The following LGR5 variants were observed in gnomAD, a reference collection of about 807,000 sequenced individuals.
The protein encoded by LGR5 is leucine-rich repeat-containing G protein-coupled receptor 5.
Under a neutral mutation model 76.7 loss-of-function variants are expected in LGR5, and 54 were observed. That is an observed-to-expected ratio of 0.70 (90% confidence interval 0.57 to 0.88). LGR5 has a LOEUF of 0.88. LGR5 is among the 40% of genes least tolerant of loss of function. The pLI is 0.00. For synonymous variants in LGR5, 406 were observed against 421.9 expected, an observed-to-expected ratio of 0.96 and a Z score of 0.46; for missense variants, 1,078 against 1,073.3, an observed-to-expected ratio of 1.00 and a Z score of -0.06.
At position 71,571,360 on chromosome 12, in the gene LGR5, TG is replaced by T. The variant is rs1401268242; in HGVS notation, c.1071-152del. 6 of 521,448 alleles carry T rather than the reference TG, an allele frequency of 1.2e-5. No individual in the cohort carries two copies. The East Asian group carries it at 1.8e-4, about 16-fold the overall frequency. The allele number at this position is 521,448 out of a possible 1,614,324, so 32.3% of individuals were successfully genotyped here. On this transcript the variant is annotated intron_variant, in intron 11 of 17. Coordinates refer to ENST00000266674, the MANE Select transcript of LGR5 (RefSeq NM_003667.4). ...TTGAATCTACTGGTTAATCCAATAA[TG>T]GCTGTGACTACCTGCTCCATGTCAG...
At chr12:71,540,862 G>C (rs1262477993) in intron 4 of LGR5, among the ~76,000 whole-genome samples, 1 of 151,984 alleles carries the variant, frequency 6.6e-6, no homozygotes, top group African/African-American at 2.4e-5. Context: ...AGGATCAAAG[G>C]GGTTAAAAAA....
At chr12:71,529,688 G>A (rs1364125317) in intron 3 of LGR5, among the ~76,000 whole-genome samples, 1 of 152,074 alleles carries the variant, frequency 6.6e-6, no homozygotes, top group Non-Finnish European at 1.5e-5. Flanking sequence ...GGGTGTGGTG[G>A]CTCACACCTC....
intron 1 of LGR5, among the ~76,000 whole-genome samples, chr12:71,449,033 G>A (rs1872141645): frequency 6.6e-6 from 1 of 152,204 alleles, no homozygotes; most frequent in Non-Finnish European, 1.5e-5. Context: ...AGTGCTGACG[G>A]AACTGAGAGA....
At position 71,448,084 on chromosome 12, in the gene LGR5, A is replaced by AACACACACACACACACACACAC. The variant is rs35911721; in HGVS notation, c.212+7800_212+7821dup. 8.2e-3 allele frequency among the ~76,000 whole-genome samples: 1,194 copies of AACACACACACACACACACACAC among 145,626 alleles called. 6 individuals are homozygous for AACACACACACACACACACACAC. The highest frequency in any genetic ancestry group is 0.021 in the Middle Eastern group (6 of 284). On this transcript the variant is annotated intron_variant, in intron 1 of 17. Coordinates refer to ENST00000266674, the MANE Select transcript of LGR5 (RefSeq NM_003667.4). ...TCCTCGTCTCCCTCACACACACACA[A>AACACACACACACACACACACAC]ACACACACACACACACACACACACA...
chr12:71,459,989 A>G (rs1280886902), intron 1 of LGR5, among the ~76,000 whole-genome samples: 2 of 152,206 alleles, frequency 1.3e-5, no homozygotes, highest in South Asian at 4.1e-4. Flanking sequence ...AGGTAAGGTT[A>G]GCTATTATTA....
intron 1 of LGR5, among the ~76,000 whole-genome samples, chr12:71,496,385 AAAAAAAAGAG>A (rs1241356554): frequency 1.3e-5 from 2 of 149,252 alleles, no homozygotes; most frequent in Non-Finnish European, 3.0e-5. Context: ...AAAAAAAAAA[AAAAAAAAGAG>A]AGAGAGAGAG....
At chr12:71,476,747 T>G (rs1223950939) in intron 1 of LGR5, among the ~76,000 whole-genome samples, 1 of 152,126 alleles carries the variant, frequency 6.6e-6, no homozygotes, top group Non-Finnish European at 1.5e-5. Context: ...CAGCATGATT[T>G]TGGGAAAGAA....
chr12:71,504,006 A>C (rs1804151882), intron 1 of LGR5, among the ~76,000 whole-genome samples: 1 of 152,228 alleles, frequency 6.6e-6, no homozygotes, highest in African/African-American at 2.4e-5. Flanking sequence ...CAGGCCCAGC[A>C]GGAAGTGTGC....
intron 1 of LGR5, among the ~76,000 whole-genome samples, chr12:71,501,585 G>C (rs1303784638): frequency 2.0e-5 from 3 of 152,192 alleles, no homozygotes; most frequent in Non-Finnish European, 2.9e-5. Context: ...CCAAAGAGAA[G>C]TCAAGGACCC....
At chr12:71,556,571 T>A in intron 5 of LGR5, 48 bp from the exon 6 acceptor site, 1 of 1,132,988 alleles carries the variant, frequency 8.8e-7, no homozygotes, top group Non-Finnish European at 1.3e-6. Flanking sequence ...ATGTTAAGTG[T>A]GGTCTGTGCA....
intron 1 of LGR5, among the ~76,000 whole-genome samples, chr12:71,499,553 G>C (rs1874497985): frequency 6.6e-6 from 1 of 152,124 alleles, no homozygotes; most frequent in Non-Finnish European, 1.5e-5. Flanking sequence ...AGCCTAAGGA[G>C]TTTGGGCATC....
chr12:71,511,804 A>C (rs539078353), intron 2 of LGR5, among the ~76,000 whole-genome samples: 2 of 152,026 alleles, frequency 1.3e-5, no homozygotes, highest in Admixed American at 6.5e-5. Context: ...TGCCACCAGC[A>C]TTCTTATTAT....
chr12:71,568,420 C>T (rs1438398726), intron 11 of LGR5, among the ~76,000 whole-genome samples: 3 of 152,192 alleles, frequency 2.0e-5, no homozygotes, highest in African/African-American at 4.8e-5. Flanking sequence ...ACATGTCAAA[C>T]AGTTACAGCA....
At chr12:71,555,177 C>G (rs967710175) in intron 5 of LGR5, among the ~76,000 whole-genome samples, 1 of 151,940 alleles carries the variant, frequency 6.6e-6, no homozygotes, top group South Asian at 2.1e-4. Context: ...GAAAAAAAAT[C>G]TTAGTATGGA....
chr12:71,445,116 T>C (rs1362850949), intron 1 of LGR5, among the ~76,000 whole-genome samples: 2 of 152,222 alleles, frequency 1.3e-5, no homozygotes, highest in East Asian at 3.8e-4. Context: ...TCAGTTATTA[T>C]GCAAATTTAG....
At position 71,584,739 on chromosome 12, in the gene LGR5, T is replaced by A; in HGVS notation, c.*5T>A. 6.2e-7 allele frequency: 1 copy of A among 1,604,050 alleles called. No individual in the cohort carries two copies. The highest frequency in any genetic ancestry group is 8.5e-7 in the Non-Finnish European group (1 of 1,172,680). ...GCATTTGTCCCATGTCTCTAATTAA[T>A]ATGTGAAGGAAAATGTTTTCAAAGG... On this transcript the variant is annotated 3_prime_UTR_variant, in exon 18 of 18. Coordinates refer to ENST00000266674, the MANE Select transcript of LGR5 (RefSeq NM_003667.4).
At chr12:71,542,233 C>A (rs1449093336) in intron 4 of LGR5, among the ~76,000 whole-genome samples, 1 of 152,112 alleles carries the variant, frequency 6.6e-6, no homozygotes, top group African/African-American at 2.4e-5. Context: ...ATTGATTAGA[C>A]AAAGACAAGA....
At chr12:71,569,361 A>G (rs962177434) in intron 11 of LGR5, among the ~76,000 whole-genome samples, 1 of 152,248 alleles carries the variant, frequency 6.6e-6, no homozygotes, top group South Asian at 2.1e-4. Context: ...CTATCATCAG[A>G]GCGAACAGAC....
Position 71,553,199 on chromosome 12 carries a change from A to T in LGR5, c.555A>T (p.Leu185Phe). ...TEIPVQAFRS[L>F]SALQAMTLAL... ...TCCCCGTCCAGGCTTTTAGAAGTTT[A>T]TCGGCATTGCAAGCCATGACCTTGG... The change falls in exon 5 of 18, where the codon TTA becomes TTT. Residue 185 changes from leucine to phenylalanine, a missense_variant. Leu to Phe is a conservative substitution (Grantham distance 22). Transcript: ENST00000266674. The T allele has an allele frequency of 1.2e-6, 2 of 1,614,056 alleles. No individual in the cohort carries two copies. The highest frequency in any genetic ancestry group is 1.7e-6 in the Non-Finnish European group (2 of 1,180,020).
Sources: allele counts gnomAD v4.1 joint callset (sites outside exome capture counted in the v4.1 genomes callset), GRCh38; gene constraint gnomAD v4.1.1; transcripts MANE v1.5; gene names NCBI Gene and HGNC (gene_info 2026-07-23, HGNC 2026-07-21).